Variants in RASA1 observed in about 807,000 individuals in gnomAD.
RASA1 encodes the protein ras GTPase-activating protein 1.
A neutral mutation model predicts 132.2 loss-of-function variants in RASA1; 25 were observed. The observed-to-expected ratio is 0.19, with a 90% CI of 0.14 to 0.26. The LOEUF is 0.26. Ranked by LOEUF, RASA1 falls within the 10% of genes least tolerant of loss-of-function variation. The pLI is 1.00. For synonymous variants in RASA1, 477 were observed against 449.9 expected, an observed-to-expected ratio of 1.06 and a Z score of -0.76; for missense variants, 964 against 1,299.2, an observed-to-expected ratio of 0.74 and a Z score of 3.97.
Position 87,341,307 on chromosome 5 carries a change from A to G in RASA1, c.1035A>G (p.Pro345=), listed in dbSNP as rs188475610. ...LVEEVGREED[P]HEGKIWFHGK... ...CCCTTTAGGGCCGGGAAGAAGATCCACATGAAGGAAAAATGTGAGTTTGTG... is the reference window on the plus strand; with the variant it reads ...CCCTTTAGGGCCGGGAAGAAGATCCGCATGAAGGAAAAATGTGAGTTTGTG... Residue 345 remains proline, a synonymous_variant, in exon 6 of 25, where the codon CCA becomes CCG. Coordinates refer to ENST00000274376, the MANE Select transcript of RASA1 (RefSeq NM_002890.3). The G allele has an allele frequency of 5.9e-6, 8 of 1,356,978 alleles. No homozygotes were observed. In the Admixed American group the frequency reaches 2.3e-4, roughly 39 times the overall value. 84.1% of individuals were successfully genotyped at this position (1,356,978 alleles called of 1,614,324 possible). A position where few individuals can be genotyped will look rare whatever the true frequency, so the allele number is the denominator to read the frequency against.
intron 2 of RASA1, among the ~76,000 whole-genome samples, chr5:87,332,127 T>G (rs1223243118): frequency 6.6e-6 from 1 of 152,152 alleles, no homozygotes; most frequent in Non-Finnish European, 1.5e-5. Context: ...AAATTATTAC[T>G]GTACTTTGTG....
intron 4 of RASA1, 77 bp downstream of exon 4, chr5:87,333,414 A>G: frequency 1.3e-6 from 2 of 1,577,280 alleles, no homozygotes; most frequent in South Asian, 2.3e-5. Flanking sequence ...TGGACTAGGA[A>G]GCTTTTGAAA....
At chr5:87,331,089 A>C (rs553878690) in intron 1 of RASA1, 1 of 949,178 alleles carries the variant, frequency 1.1e-6, no homozygotes, top group African/African-American at 1.7e-5. Flanking sequence ...GGAAGTAGGG[A>C]GATGGGTAGA....
chr5:87,273,791 G>A (rs1315334493), intron 1 of RASA1, among the ~76,000 whole-genome samples: 2 of 150,236 alleles, frequency 1.3e-5, no homozygotes, highest in Admixed American at 6.7e-5. Flanking sequence ...TCCGCCTCCC[G>A]GATTCAGGTG....
chr5:87,312,800 C>G (rs960620174), intron 1 of RASA1, among the ~76,000 whole-genome samples: 5 of 152,118 alleles, frequency 3.3e-5, no homozygotes, highest in African/African-American at 1.2e-4. Context: ...GAAAATCTAG[C>G]AAACAAATAA....
In RASA1 at chr5:87,380,605, A is replaced by T. The variant is rs761091793; in HGVS notation, c.2690+10A>T. The T allele has an allele frequency of 1.3e-6, 2 of 1,598,282 alleles. No homozygotes were observed. Among genetic ancestry groups the T allele is most frequent in the African/African-American group, 2.7e-5 (2 of 74,556 alleles). On this transcript the variant is annotated intron_variant, in intron 20 of 24. Transcript: ENST00000274376. ...GAACAAGAGTTGTTAGGTAAGGCTC[A>T]TCAATTGATTTGTTAAATCACATAC...
At chr5:87,295,161 C>T (rs1366970327) in intron 1 of RASA1, among the ~76,000 whole-genome samples, 2 of 152,148 alleles carry the variant, frequency 1.3e-5, no homozygotes, top group African/African-American at 4.8e-5. Context: ...TAGCTGCTCC[C>T]ACTTTCTTCT....
At chr5:87,356,172 C>A (rs760651160) in intron 9 of RASA1, among the ~76,000 whole-genome samples, 24 of 152,118 alleles carry the variant, frequency 1.6e-4, no homozygotes, top group Non-Finnish European at 1.2e-4. Flanking sequence ...AGAAGTTCAA[C>A]TGTGGGTAAA....
chr5:87,361,216 G>T (rs568347963), intron 9 of RASA1, among the ~76,000 whole-genome samples: 2 of 152,194 alleles, frequency 1.3e-5, no homozygotes, highest in South Asian at 2.1e-4. Context: ...CTGTGTTCCA[G>T]TAAAACTTTA....
At chr5:87,368,327 T>C (rs1404762333) in intron 11 of RASA1, among the ~76,000 whole-genome samples, 2 of 152,200 alleles carry the variant, frequency 1.3e-5, no homozygotes, top group Non-Finnish European at 2.9e-5. Flanking sequence ...ATACAGTTTC[T>C]GGCAAAATTC....
rs1352815046 is a variant in RASA1, at chr5:87,267,939, C to G, written c.-513C>G. On this transcript the variant is annotated 5_prime_UTR_variant, in exon 1 of 25. Transcript: ENST00000274376. ...CAGTCGATTTCCTCGTTACCCCGCC[C>G]CCCTTTCTCTTGCCCCCCCACCCCT... 5.1e-6 allele frequency: 2 copies of G among 390,388 alleles called. No individual in the cohort carries two copies. Among genetic ancestry groups the G allele is most frequent in the Middle Eastern group, 1.3e-3 (2 of 1,530 alleles). 24.2% of individuals were successfully genotyped at this position (390,388 alleles called of 1,614,324 possible).
chr5:87,382,649 A>G (rs1761800747), intron 20 of RASA1, among the ~76,000 whole-genome samples: 1 of 152,194 alleles, frequency 6.6e-6, no homozygotes, highest in African/African-American at 2.4e-5. Flanking sequence ...TATCTATGCA[A>G]GCTTTTAACA....
chr5:87,333,278 T>C lies in RASA1; in HGVS notation c.840T>C (p.Asp280=). ...YPVAPPEPVE[D]RRRVRAILPY... ...TTTATGGTTTCTAGCCAGTAGAAGATAGAAGGCGTGTACGAGCTATTCTAC... is the reference window on the plus strand; with the variant it reads ...TTTATGGTTTCTAGCCAGTAGAAGACAGAAGGCGTGTACGAGCTATTCTAC... Residue 280 remains aspartate, a synonymous_variant, in exon 4 of 25, where the codon GAT becomes GAC. Coordinates refer to ENST00000274376, the MANE Select transcript of RASA1 (RefSeq NM_002890.3). The C allele has an allele frequency of 2.5e-6, 4 of 1,613,074 alleles. No individual in the cohort carries two copies. Among genetic ancestry groups the C allele is most frequent in the Admixed American group, 1.7e-5 (1 of 59,974 alleles).
intron 1 of RASA1, among the ~76,000 whole-genome samples, chr5:87,289,254 T>C (rs1032800628): frequency 2.6e-5 from 4 of 152,210 alleles, no homozygotes; most frequent in African/African-American, 9.6e-5. Flanking sequence ...GAGTTCTCAG[T>C]ACATAAGGGC....
intron 11 of RASA1, among the ~76,000 whole-genome samples, chr5:87,366,159 G>T (rs1005243720): frequency 4.6e-5 from 7 of 152,122 alleles, no homozygotes; most frequent in African/African-American, 1.7e-4. Flanking sequence ...AATACAAAAA[G>T]ATATGTGTCT....
chr5:87,389,581 G>GAGTT lies in RASA1; in HGVS notation c.3060+56_3060+59dup, dbSNP rs545411201. ...TGATGTTTCAAAGATAACACTTAGA[G>GAGTT]AGTTAATAAATAGCTGAATTCTGGT... On this transcript the variant is annotated intron_variant, in intron 24 of 24. Coordinates refer to ENST00000274376, the MANE Select transcript of RASA1 (RefSeq NM_002890.3). 243 of 1,596,780 alleles carry GAGTT rather than the reference G, an allele frequency of 1.5e-4. No homozygotes were observed. The African/African-American group carries it at 2.8e-3, about 19-fold the overall frequency.
chr5:87,375,621 A>T (rs1344381767), intron 15 of RASA1, among the ~76,000 whole-genome samples: 1 of 152,094 alleles, frequency 6.6e-6, no homozygotes, highest in Non-Finnish European at 1.5e-5. Context: ...ATTTCCCTTA[A>T]ACTTGAATAT....
rs563003323 is a variant in RASA1 at position 87,286,839 on chromosome 5, C to T, written c.539+17849C>T. Among the ~76,000 whole-genome samples the T allele has an allele frequency of 2.0e-5, 3 of 149,290 alleles. No individual in the cohort carries two copies. In the South Asian group the frequency reaches 6.3e-4, roughly 31 times the overall value. The stretch of plus-strand genomic sequence containing the variant: ...ACACACACACTCACATATATATATA[C>T]CATATATATATACACCATATACATA... On this transcript the variant is annotated intron_variant, in intron 1 of 24. Coordinates refer to ENST00000274376, the MANE Select transcript of RASA1 (RefSeq NM_002890.3).
At chr5:87,279,957 G>A (rs1388931154) in intron 1 of RASA1, among the ~76,000 whole-genome samples, 2 of 152,214 alleles carry the variant, frequency 1.3e-5, no homozygotes, top group South Asian at 2.1e-4. Flanking sequence ...AAAGGCCTGA[G>A]ACCCCCAGGG....
Sources: gnomAD v4.1 joint callset for allele counts (sites outside exome capture counted in the v4.1 genomes callset) on GRCh38, gnomAD v4.1.1 for gene constraint, MANE v1.5 for transcripts, NCBI Gene and HGNC (gene_info 2026-07-23, HGNC 2026-07-21) for gene names.